RAD18: variants seen among roughly 807,000 people sequenced by gnomAD.
RAD18 encodes RAD18 E3 ubiquitin protein ligase, also known as E3 ubiquitin-protein ligase RAD18.
A neutral mutation model predicts 60.4 loss-of-function variants in RAD18; 47 were observed. That is an observed-to-expected ratio of 0.78 (90% CI 0.62 to 0.99). The LOEUF is 0.99. RAD18 is among the 50% of genes least tolerant of loss of function. RAD18 has a pLI of 0.00. For missense variants in RAD18, 640 were observed against 593.3 expected (o/e 1.08, Z -0.82); for synonymous variants, 225 against 195.5 (o/e 1.15, Z -1.26).
chr3:8,920,757 T>A (rs1344471261), intron 7 of RAD18, among the ~76,000 whole-genome samples: 4 of 152,176 alleles, frequency 2.6e-5, no homozygotes, highest in African/African-American at 7.2e-5. Flanking sequence ...ACAAAGACTG[T>A]ATTCTTTTAA....
chr3:8,890,398 G>A lies in RAD18; in HGVS notation c.1376C>T (p.Ala459Val). The change falls in exon 12 of 13, where the codon GCA (alanine) becomes GTA (valine). Residue 459 changes from alanine to valine, a missense_variant. By Grantham distance (64) the Ala-to-Val change is moderately conservative. Coordinates refer to ENST00000264926, the MANE Select transcript of RAD18 (RefSeq NM_020165.4). ...GATTATGAGAACTCACTTATGTGAT[G>A]CTTCCCAGGCTTCCTCTTCTTCTAA... is the stretch of plus-strand genomic sequence containing the variant. ...DLLEEEEAWE[A>V]SHKNDLQDTE... is the part of the protein sequence containing the mutation. The A allele has an allele frequency of 1.3e-6, 2 of 1,587,904 alleles. No individual in the cohort carries two copies. The highest frequency in any genetic ancestry group is 1.7e-6 in the Non-Finnish European group (2 of 1,156,432).
At position 8,878,505 on chromosome 3, in the gene RAD18, G is replaced by A. The variant is rs769510990; in HGVS notation, c.*2852C>T. On this transcript the variant is annotated 3_prime_UTR_variant, in exon 13 of 13. Coordinates refer to ENST00000264926, the MANE Select transcript of RAD18 (RefSeq NM_020165.4). The stretch of plus-strand genomic sequence containing the variant: ...ACTTTCTTTTATCGGATGCTAAGAA[G>A]TTTGAAATCCATTGTTTTTGGGTTT... 35 of 152,176 alleles carry A rather than the reference G, an allele frequency of 2.3e-4. No homozygotes were observed. The highest frequency in any genetic ancestry group is 4.7e-4 in the Non-Finnish European group (32 of 68,034). 9.4% of individuals were successfully genotyped at this position (152,176 alleles called of 1,614,324 possible).
In RAD18 at chr3:8,950,150, C is replaced by T. The variant is rs141276421; in HGVS notation, c.134-1580G>A. On this transcript the variant is annotated intron_variant, in intron 2 of 12. Transcript: ENST00000264926. ...GGTTCAAGTGATTCTCCCGCCTCAG[C>T]CTCCCGAGTAGCTGGGATTACAGGT... is the stretch of plus-strand genomic sequence containing the variant. Among the ~76,000 whole-genome samples the T allele has an allele frequency of 2.0e-4, 31 of 152,260 alleles. No homozygotes were observed. The South Asian group carries it at 2.1e-3, about 10-fold the overall frequency.
intron 12 of RAD18, among the ~76,000 whole-genome samples, chr3:8,883,156 G>A (rs934444955): frequency 2.6e-5 from 4 of 152,156 alleles, no homozygotes; most frequent in African/African-American, 9.6e-5. Flanking sequence ...AATAAAAATG[G>A]CATAACATGT....
At chr3:8,909,067 G>C (rs1389263506) in intron 9 of RAD18, among the ~76,000 whole-genome samples, 1 of 152,166 alleles carries the variant, frequency 6.6e-6, no homozygotes, top group Non-Finnish European at 1.5e-5. Flanking sequence ...TATAGATAGG[G>C]GGGTCAGAGG....
In RAD18 at chr3:8,881,233, A is replaced by G; in HGVS notation, c.*124T>C. ...GGAAAAGCAGAAAAGAATGAATATC[A>G]GCTAACCGTAATATTTAGAATTTAG... On this transcript the variant is annotated 3_prime_UTR_variant, in exon 13 of 13. Coordinates refer to ENST00000264926, the MANE Select transcript of RAD18 (RefSeq NM_020165.4). 2 of 778,644 alleles carry G rather than the reference A, an allele frequency of 2.6e-6. No homozygotes were observed. Among genetic ancestry groups the G allele is most frequent in the Non-Finnish European group, 4.1e-6 (2 of 490,162 alleles). 48.2% of individuals were successfully genotyped at this position (778,644 alleles called of 1,614,324 possible). A position where few individuals can be genotyped will look rare whatever the true frequency, so the allele number is the denominator to read the frequency against.
At chr3:8,959,879 CAA>C (rs71307734) in intron 1 of RAD18, among the ~76,000 whole-genome samples, 21 of 63,244 alleles carry the variant, frequency 3.3e-4, no homozygotes, top group African/African-American at 3.2e-4. Flanking sequence ...GAAACTGTCT[CAA>C]AAAAAAAAAA....
At chr3:8,894,104 T>C (rs1381132384) in intron 11 of RAD18, among the ~76,000 whole-genome samples, 3 of 152,204 alleles carry the variant, frequency 2.0e-5, no homozygotes. Context: ...AAAACTCATC[T>C]TGTTTTGCCA....
At position 8,890,428 on chromosome 3, in the gene RAD18, T is replaced by C. The variant is rs777498534; in HGVS notation, c.1346A>G (p.Asp449Gly). Residue 449 changes from aspartate to glycine, a missense_variant, in exon 12 of 13, where the codon GAT (aspartate) becomes GGT (glycine). Transcript: ENST00000264926. ...CNSSSSDIIR[D>G]LLEEEEAWEA... ...CCAGGCTTCCTCTTCTTCTAAAAGATCTCTTATGATGTCTGAACTGGAACT... is the reference window on the plus strand; with the variant it reads ...CCAGGCTTCCTCTTCTTCTAAAAGACCTCTTATGATGTCTGAACTGGAACT... 6.3e-7 allele frequency: 1 copy of C among 1,593,952 alleles called. No individual in the cohort carries two copies. The highest frequency in any genetic ancestry group is 2.2e-5 in the East Asian group (1 of 44,740).
At chr3:8,901,123 T>C (rs1218394318) in intron 10 of RAD18, among the ~76,000 whole-genome samples, 1 of 152,146 alleles carries the variant, frequency 6.6e-6, no homozygotes, top group African/African-American at 2.4e-5. Context: ...AAAACCACAA[T>C]GACATACCAC....
At chr3:8,907,391 A>G (rs1450055558) in intron 9 of RAD18, among the ~76,000 whole-genome samples, 1 of 152,192 alleles carries the variant, frequency 6.6e-6, no homozygotes, top group African/African-American at 2.4e-5. Flanking sequence ...GATATGACCC[A>G]CATAAACAAA....
At chr3:8,892,855 G>C (rs941842152) in intron 11 of RAD18, among the ~76,000 whole-genome samples, 1 of 152,128 alleles carries the variant, frequency 6.6e-6, no homozygotes, top group Non-Finnish European at 1.5e-5. Context: ...AAGTTAAGTT[G>C]AGGTCCCATT....
chr3:8,886,786 G>C (rs1939572901), intron 12 of RAD18, among the ~76,000 whole-genome samples: 1 of 152,184 alleles, frequency 6.6e-6, no homozygotes, highest in East Asian at 1.9e-4. Context: ...GCAAAGGCCA[G>C]AGGCAAGGCG....
At position 8,878,866 on chromosome 3, in the gene RAD18, A is replaced by T. The variant is rs1425815145; in HGVS notation, c.*2491T>A. 6.6e-6 allele frequency: 1 copy of T among 152,196 alleles called. No individual in the cohort carries two copies. Among genetic ancestry groups the T allele is most frequent in the Non-Finnish European group, 1.5e-5 (1 of 68,042 alleles). 9.4% of individuals were successfully genotyped at this position (152,196 alleles called of 1,614,324 possible). Reference sequence around the variant, plus strand: ...TTGAGGGGAGTGAGGAGGTAGAAAGAGTTAATAACTCTGAATTACTGTAAG... The same window carrying T: ...TTGAGGGGAGTGAGGAGGTAGAAAGTGTTAATAACTCTGAATTACTGTAAG... On this transcript the variant is annotated 3_prime_UTR_variant, in exon 13 of 13. Transcript: ENST00000264926.
intron 11 of RAD18, 40 bp from the exon 12 acceptor site, chr3:8,890,491 A>C: frequency 7.0e-7 from 1 of 1,424,104 alleles, no homozygotes. Context: ...GACAACAAGA[A>C]GACTGTATCG....
intron 7 of RAD18, among the ~76,000 whole-genome samples, chr3:8,921,049 G>C (rs1940310396): frequency 6.6e-6 from 1 of 152,140 alleles, no homozygotes; most frequent in East Asian, 1.9e-4. Context: ...TAGGGGTAAA[G>C]GGTAAACACT....
intron 7 of RAD18, among the ~76,000 whole-genome samples, 176 bp downstream of exon 7, chr3:8,935,695 G>A (rs557876120): frequency 1.2e-4 from 19 of 152,222 alleles, no homozygotes; most frequent in Non-Finnish European, 2.5e-4. Flanking sequence ...GGCAGGCTGA[G>A]AGGAAGGCTG....
rs1222683344 is a variant in RAD18, at chr3:8,941,790, T to G, written c.281A>C (p.Gln94Pro). Residue 94 changes from glutamine to proline, a missense_variant, in exon 5 of 13, where the codon CAG becomes CCG. Gln to Pro is a moderately conservative substitution (Grantham distance 76, BLOSUM62 -1). Coordinates refer to ENST00000264926, the MANE Select transcript of RAD18 (RefSeq NM_020165.4). Reference protein sequence around the residue: ...SLNFARNHLLQFALESPAKSP... With the variant: ...SLNFARNHLLPFALESPAKSP... ...TTTGGCTGGTGACTCTAAAGCAAAC[T>G]GCAGCAGATGATTCCTTGAAGCACA... 4.3e-6 allele frequency: 7 copies of G among 1,610,772 alleles called. No homozygotes were observed. Among genetic ancestry groups the G allele is most frequent in the Non-Finnish European group, 3.4e-6 (4 of 1,178,128 alleles).
chr3:8,899,085 C>T (rs1939856117), intron 10 of RAD18, 38 bp from the exon 11 acceptor site: 10 of 1,496,244 alleles, frequency 6.7e-6, no homozygotes, highest in Non-Finnish European at 9.1e-6. Flanking sequence ...TTAAAATCTA[C>T]AACTTCTGTA....
Sources: gnomAD v4.1 joint callset for allele counts (sites outside exome capture counted in the v4.1 genomes callset) on GRCh38, gnomAD v4.1.1 for gene constraint, MANE v1.5 for transcripts, NCBI Gene and HGNC (gene_info 2026-07-23, HGNC 2026-07-21) for gene names.